Variants in SHANK2 observed in about 807,000 individuals in gnomAD.
SHANK2 encodes the protein SH3 and multiple ankyrin repeat domains protein 2.
A neutral mutation model predicts 133.7 loss-of-function variants in SHANK2; 43 were observed. The observed-to-expected ratio is 0.32, with a 90% CI of 0.25 to 0.41. The LOEUF (loss-of-function observed/expected upper bound fraction) is 0.41. SHANK2 is among the 10% of genes least tolerant of loss of function. The pLI, the probability that SHANK2 is intolerant of heterozygous loss-of-function variation, is 1.00. For synonymous variants in SHANK2, 1,017 were observed against 952.8 expected, an observed-to-expected ratio of 1.07 and a Z score of -1.24; for missense variants, 1,994 against 2,235.8, an observed-to-expected ratio of 0.89 and a Z score of 2.18.
chr11:70,657,863 G>A (rs372709781), intron 17 of SHANK2, among the ~76,000 whole-genome samples: 4 of 152,250 alleles, frequency 2.6e-5, no homozygotes, highest in South Asian at 2.1e-4. Context: ...GCTTCAAACC[G>A]ACAGGACAGG....
chr11:71,059,489 A>G (rs2135928783), intron 9 of SHANK2, among the ~76,000 whole-genome samples: 1 of 152,254 alleles, frequency 6.6e-6, no homozygotes, highest in African/African-American at 2.4e-5. Flanking sequence ...TGGTGTGTGA[A>G]TTGCATCTCA....
chr11:70,482,230 A>AACAG, intron 25 of SHANK2, among the ~76,000 whole-genome samples: 1 of 152,312 alleles, frequency 6.6e-6, no homozygotes, highest in African/African-American at 2.4e-5. Context: ...GCAAGAAGGG[A>AACAG]ACAGACATGG....
chr11:71,064,637 C>T (rs1368192440), intron 9 of SHANK2, among the ~76,000 whole-genome samples: 1 of 151,580 alleles, frequency 6.6e-6, no homozygotes, highest in African/African-American at 2.4e-5. Flanking sequence ...ACAGCAGGGC[C>T]CCAGGCAAGG....
At chr11:70,906,315 C>T (rs1565397570) in intron 10 of SHANK2, among the ~76,000 whole-genome samples, 1 of 152,220 alleles carries the variant, frequency 6.6e-6, no homozygotes, top group African/African-American at 2.4e-5. Flanking sequence ...GAGTGTGGCT[C>T]TCAGGTGGCC....
chr11:70,770,231 T>G (rs538411885), intron 14 of SHANK2, among the ~76,000 whole-genome samples: 2 of 152,248 alleles, frequency 1.3e-5, no homozygotes, highest in South Asian at 4.1e-4. Context: ...CTGTGTCTCC[T>G]GCTCTTTGCC....
chr11:70,888,099 T>G (rs531582677), intron 11 of SHANK2, among the ~76,000 whole-genome samples: 83 of 151,308 alleles, frequency 5.5e-4, no homozygotes, highest in Non-Finnish European at 7.4e-4. Context: ...GAATCTAGAG[T>G]CCTCTGGTGA....
intron 1 of SHANK2, among the ~76,000 whole-genome samples, chr11:71,225,398 G>A (rs1460631201): frequency 6.6e-6 from 1 of 152,180 alleles, no homozygotes; most frequent in African/African-American, 2.4e-5. Context: ...CCACCAGGCA[G>A]TAACAAATCC....
At chr11:71,214,803 A>G (rs1250498397) in intron 2 of SHANK2, among the ~76,000 whole-genome samples, 1 of 152,092 alleles carries the variant, frequency 6.6e-6, no homozygotes, top group East Asian at 1.9e-4. Context: ...TGCAATTGCT[A>G]AGAAGGTGAA....
rs915368955 is a variant in SHANK2, at chr11:70,528,185, G to A, written c.2062-25254C>T. Among the ~76,000 whole-genome samples the A allele has an allele frequency of 7.2e-5, 11 of 152,344 alleles. No individual in the cohort carries two copies. In the South Asian group the frequency reaches 8.3e-4, roughly 11 times the overall value. ...GCCCCAGCTGAGGATCTGGCAGGCC[G>A]AGAGGCCGAGACCCCGTCCCCAGGC... On this transcript the variant is annotated intron_variant, in intron 17 of 25. Coordinates refer to ENST00000601538, the MANE Select transcript of SHANK2 (RefSeq NM_012309.5).
intron 8 of SHANK2, among the ~76,000 whole-genome samples, chr11:71,077,698 G>C (rs1951239891): frequency 6.6e-6 from 1 of 152,134 alleles, no homozygotes; most frequent in African/African-American, 2.4e-5. Context: ...GGAAGATGCA[G>C]CTGCCATGCA....
intron 9 of SHANK2, among the ~76,000 whole-genome samples, chr11:71,071,616 C>T (rs1951143108): frequency 6.6e-6 from 1 of 152,204 alleles, no homozygotes; most frequent in East Asian, 1.9e-4. Flanking sequence ...GAAGGCTTGA[C>T]TGAGGGTCAG....
chr11:71,078,526 A>G (rs1367239323), intron 8 of SHANK2, among the ~76,000 whole-genome samples: 1 of 152,200 alleles, frequency 6.6e-6, no homozygotes, highest in African/African-American at 2.4e-5. Flanking sequence ...AGATCACCAA[A>G]CAAGATCTAT....
intron 14 of SHANK2, among the ~76,000 whole-genome samples, chr11:70,722,044 G>A (rs1231816487): frequency 7.9e-5 from 12 of 152,192 alleles, no homozygotes; most frequent in South Asian, 4.1e-4. Flanking sequence ...TTGTTTTCCC[G>A]TCCAGTGGCA....
intron 17 of SHANK2, among the ~76,000 whole-genome samples, chr11:70,568,411 T>C (rs556267460): frequency 6.6e-6 from 1 of 152,264 alleles, no homozygotes; most frequent in South Asian, 2.1e-4. Flanking sequence ...AGAGAACTTC[T>C]CTGTTTAATA....
At chr11:70,689,620 C>T (rs1945232483) in intron 15 of SHANK2, among the ~76,000 whole-genome samples, 1 of 152,174 alleles carries the variant, frequency 6.6e-6, no homozygotes, top group Admixed American at 6.5e-5. Context: ...TGGCAATTCT[C>T]ACCTGCCAGG....
chr11:70,525,929 G>T (rs1554972040), intron 17 of SHANK2, among the ~76,000 whole-genome samples: 2 of 151,772 alleles, frequency 1.3e-5, no homozygotes, highest in Non-Finnish European at 2.9e-5. Context: ...GGCCTGGGGG[G>T]CAACTGCCCA....
At chr11:71,137,010 G>T (rs1294030386) in intron 3 of SHANK2, among the ~76,000 whole-genome samples, 3 of 152,092 alleles carry the variant, frequency 2.0e-5, no homozygotes, top group Non-Finnish European at 4.4e-5. Context: ...TTACAGGCAT[G>T]CGCCACCATG....
intron 11 of SHANK2, among the ~76,000 whole-genome samples, chr11:70,880,973 TG>T (rs1416338075): frequency 1.3e-5 from 2 of 152,232 alleles, no homozygotes; most frequent in African/African-American, 2.4e-5. Context: ...CTGTGTTCCC[TG>T]GGGTCACCAA....
At chr11:70,651,192 C>G (rs2061335133) in intron 17 of SHANK2, among the ~76,000 whole-genome samples, 1 of 152,220 alleles carries the variant, frequency 6.6e-6, no homozygotes, top group African/African-American at 2.4e-5. Flanking sequence ...CCCATGGCAT[C>G]TGAGCACAGC....
Sources: gnomAD v4.1 joint callset for allele counts (sites outside exome capture counted in the v4.1 genomes callset) on GRCh38, gnomAD v4.1.1 for gene constraint, MANE v1.5 for transcripts, NCBI Gene and HGNC (gene_info 2026-07-23, HGNC 2026-07-21) for gene names.